TMEM266: variants seen among roughly 807,000 people sequenced by gnomAD.
TMEM266 encodes the protein transmembrane protein 266, also known as Hv1 related protein 1.
TMEM266 carries 33 observed loss-of-function variants against 50.5 expected under a neutral mutation model. That is an observed-to-expected ratio of 0.65 (90% CI 0.50 to 0.87). The LOEUF (loss-of-function observed/expected upper bound fraction) is 0.87. TMEM266 is among the 40% of genes least tolerant of loss of function. TMEM266 has a pLI of 0.00. For missense variants in TMEM266, 655 were observed against 695.1 expected (o/e 0.94, Z 0.65); for synonymous variants, 310 against 292.3 (o/e 1.06, Z -0.62).
At chr15:76,127,228 T>C (rs1040499487) in intron 1 of TMEM266, among the ~76,000 whole-genome samples, 1 of 152,018 alleles carries the variant, frequency 6.6e-6, no homozygotes, top group Non-Finnish European at 1.5e-5. Flanking sequence ...GTCTCAAATA[T>C]ATACAATTTT....
chr15:76,192,215 C>T, intron 9 of TMEM266, 58 bp downstream of exon 9: 1 of 1,370,020 alleles, frequency 7.3e-7, no homozygotes, highest in African/African-American at 1.5e-5. Context: ...CCCCTCGCCT[C>T]CCTCTCGCGC....
chr15:76,132,113 A>ATT (rs10648544), intron 1 of TMEM266, among the ~76,000 whole-genome samples: 29,514 of 145,724 alleles, frequency 0.2, 3,883 homozygotes, highest in African/African-American at 0.37. Flanking sequence ...TACCAATCCA[A>ATT]TTTTTTTTTT....
chr15:76,145,402 C>T (rs928322300), intron 3 of TMEM266, among the ~76,000 whole-genome samples: 1 of 152,204 alleles, frequency 6.6e-6, no homozygotes, highest in Non-Finnish European at 1.5e-5. Context: ...GGTCATCAGG[C>T]CACATCCTTC....
chr15:76,146,625 A>G (rs532292305), intron 3 of TMEM266, among the ~76,000 whole-genome samples: 1 of 152,394 alleles, frequency 6.6e-6, no homozygotes, highest in South Asian at 2.1e-4. Context: ...CAGACCCAAT[A>G]TAGCAAACAT....
chr15:76,096,879 T>C (rs1412368427), intron 1 of TMEM266, among the ~76,000 whole-genome samples: 1 of 151,884 alleles, frequency 6.6e-6, no homozygotes, highest in African/African-American at 2.4e-5. Context: ...TTTTCTCTTT[T>C]GGTCTTTGTT....
At chr15:76,148,660 T>G (rs1040936036) in intron 3 of TMEM266, among the ~76,000 whole-genome samples, 1 of 152,284 alleles carries the variant, frequency 6.6e-6, no homozygotes, top group African/African-American at 2.4e-5. Flanking sequence ...AGCCAATCCA[T>G]GGTGTGTGTT....
chr15:76,172,110 G>C (rs1199597074), intron 7 of TMEM266, among the ~76,000 whole-genome samples: 1 of 152,124 alleles, frequency 6.6e-6, no homozygotes, highest in Non-Finnish European at 1.5e-5. Flanking sequence ...GCCTCCAAGA[G>C]AGGTCCCCCT....
chr15:76,193,503 G>A (rs2142083847), intron 9 of TMEM266, among the ~76,000 whole-genome samples: 1 of 152,314 alleles, frequency 6.6e-6, no homozygotes, highest in South Asian at 2.1e-4. Context: ...TTATAGGCAT[G>A]AGCCACTGTG....
chr15:76,180,674 C>T (rs1290376957), intron 8 of TMEM266, among the ~76,000 whole-genome samples: 1 of 122,462 alleles, frequency 8.2e-6, no homozygotes, highest in African/African-American at 3.0e-5. Flanking sequence ...AGTGTAGTGG[C>T]GCCATCTTGG....
intron 9 of TMEM266, among the ~76,000 whole-genome samples, chr15:76,198,554 A>T (rs1019088366): frequency 2.0e-5 from 3 of 152,098 alleles, no homozygotes; most frequent in African/African-American, 7.2e-5. Context: ...CTTCCTACTG[A>T]GTGTGTGGTG....
At chr15:76,105,798 T>A (rs1208902483) in intron 1 of TMEM266, among the ~76,000 whole-genome samples, 1 of 152,182 alleles carries the variant, frequency 6.6e-6, no homozygotes, top group African/African-American at 2.4e-5. Flanking sequence ...GGATGAGAGA[T>A]GAATGGATGT....
chr15:76,129,926 A>G lies in TMEM266; in HGVS notation c.-96-4242A>G, dbSNP rs561802202. ...GTAAACAATGCCTGGATATTTAATG[A>G]TATAAAGAAAATCCTGGCCAGGCAT... On this transcript the variant is annotated intron_variant, in intron 1 of 10. Coordinates refer to ENST00000388942, the MANE Select transcript of TMEM266 (RefSeq NM_152335.3). Among the ~76,000 whole-genome samples the G allele has an allele frequency of 9.9e-5, 15 of 152,186 alleles. No homozygotes were observed. The South Asian group carries it at 2.9e-3, about 29-fold the overall frequency.
chr15:76,190,396 G>A (rs1049804281), intron 8 of TMEM266, among the ~76,000 whole-genome samples: 2 of 152,248 alleles, frequency 1.3e-5, no homozygotes, highest in African/African-American at 4.8e-5. Context: ...AAGGAGCTCG[G>A]GCTGTCTCCC....
chr15:76,120,758 CAAAAAAA>C (rs60694791), intron 1 of TMEM266, among the ~76,000 whole-genome samples: 1 of 57,952 alleles, frequency 1.7e-5, no homozygotes, highest in Non-Finnish European at 3.4e-5. Context: ...AAGACTGTCT[CAAAAAAA>C]AAAAAAAAAA....
intron 1 of TMEM266, among the ~76,000 whole-genome samples, chr15:76,125,020 G>A (rs1400678044): frequency 1.3e-5 from 2 of 152,132 alleles, no homozygotes; most frequent in Admixed American, 6.6e-5. Flanking sequence ...AGAACAAAGA[G>A]CCCAGAAATA....
intron 1 of TMEM266, among the ~76,000 whole-genome samples, chr15:76,124,205 G>C (rs2037385145): frequency 6.6e-6 from 1 of 152,186 alleles, no homozygotes; most frequent in Non-Finnish European, 1.5e-5. Context: ...GAAAGCCTTT[G>C]ATTCTTTCTT....
chr15:76,098,767 A>G (rs1218630409), intron 1 of TMEM266, among the ~76,000 whole-genome samples: 3 of 150,248 alleles, frequency 2.0e-5, no homozygotes, highest in Middle Eastern at 3.4e-3. Context: ...TTTTTTTCAG[A>G]GATGTCCTGC....
intron 8 of TMEM266, chr15:76,181,633 C>T (rs374235367): frequency 7.6e-4 from 116 of 152,314 alleles, no homozygotes; most frequent in African/African-American, 2.6e-3. Flanking sequence ...CTCGCTGGTA[C>T]ACAGATGGAG....
intron 1 of TMEM266, among the ~76,000 whole-genome samples, chr15:76,093,084 G>A (rs1015008100): frequency 1.1e-4 from 17 of 151,530 alleles, no homozygotes; most frequent in South Asian, 2.1e-4. Flanking sequence ...GGGATTACAG[G>A]CGTAAACCAC....
Sources: gnomAD v4.1 joint callset for allele counts (sites outside exome capture counted in the v4.1 genomes callset) on GRCh38, gnomAD v4.1.1 for gene constraint, MANE v1.5 for transcripts, NCBI Gene and HGNC (gene_info 2026-07-23, HGNC 2026-07-21) for gene names.